CD300E: variants seen among roughly 807,000 people sequenced by gnomAD.
CD300E encodes CD300e molecule, also known as CMRF35-like molecule 2.
Under a neutral mutation model 20.9 loss-of-function variants are expected in CD300E, and 14 were observed. That is an observed-to-expected ratio of 0.67 (90% confidence interval 0.44 to 1.05). CD300E has a LOEUF of 1.05. Among genes scored for constraint, CD300E ranks in the 50% least tolerant of loss-of-function variants. The probability of loss-of-function intolerance (pLI) is 0.00; values close to 1 mark genes in which losing one functional copy is unlikely to be tolerated. For missense variants in CD300E, 237 were observed against 253.9 expected, an observed-to-expected ratio of 0.93 and a Z score of 0.45; for synonymous variants, 102 against 103.7, an observed-to-expected ratio of 0.98 and a Z score of 0.10.
chr17:74,617,177 C>T lies in CD300E; in HGVS notation c.329G>A (p.Trp110Ter), dbSNP rs1311512160. The T allele has an allele frequency of 5.6e-6, 9 of 1,614,100 alleles. No individual in the cohort carries two copies. Among genetic ancestry groups the T allele is most frequent in the Non-Finnish European group, 7.6e-6 (9 of 1,180,062 alleles). ...ATCGCGTGACCATGAATCCAGGACCCACACTGTCTGAATTTTGCACCAGTA... is the reference window on the plus strand; with the variant it reads ...ATCGCGTGACCATGAATCCAGGACCTACACTGTCTGAATTTTGCACCAGTA... The part of the protein sequence containing the change: ...GSYWCKIQTV[W>*]VLDSWSRDPS... Residue 110 changes from tryptophan (W) to a stop codon, truncating the protein, a stop_gained, in exon 2 of 4, where the codon TGG (tryptophan) becomes TAG (stop). Coordinates refer to ENST00000392619, the MANE Select transcript of CD300E (RefSeq NM_181449.3). LOFTEE classifies it high-confidence loss of function.
At position 74,612,573 on chromosome 17, in the gene CD300E, G is replaced by A. The variant is rs2030807257; in HGVS notation, c.*80C>T. ...TCCCTCCAGAGTCCACAGGTCTCTC[G>A]CATCCAGTCTGAAAGGTTGACTCCC... On this transcript the variant is annotated 3_prime_UTR_variant, in exon 4 of 4. Transcript: ENST00000392619. 1.8e-5 allele frequency: 28 copies of A among 1,557,580 alleles called. No homozygotes were observed. Among genetic ancestry groups the A allele is most frequent in the Middle Eastern group, 1.9e-4 (1 of 5,342 alleles).
intron 2 of CD300E, among the ~76,000 whole-genome samples, chr17:74,616,456 A>G (rs1045712442): frequency 7.9e-5 from 12 of 152,212 alleles, no homozygotes; most frequent in Admixed American, 6.5e-4. Context: ...GCCTGCCAAG[A>G]TAATGGCAGA....
At chr17:74,619,600 C>T (rs2030976432) in intron 1 of CD300E, among the ~76,000 whole-genome samples, 1 of 152,030 alleles carries the variant, frequency 6.6e-6, no homozygotes, top group Non-Finnish European at 1.5e-5. Flanking sequence ...TTTCACTCCT[C>T]CTCTCAATCA....
intron 1 of CD300E, among the ~76,000 whole-genome samples, chr17:74,617,773 A>C (rs372548142): frequency 1.6e-4 from 24 of 152,336 alleles, no homozygotes; most frequent in African/African-American, 5.3e-4. Flanking sequence ...TCTGCCAGGC[A>C]TGAGATTTGG....
At chr17:74,613,037 C>A (rs890222435) in intron 3 of CD300E, among the ~76,000 whole-genome samples, 2 of 152,166 alleles carry the variant, frequency 1.3e-5, no homozygotes. Flanking sequence ...TCCACAGCAC[C>A]CTCTCTGTCC....
At chr17:74,620,031 G>T (rs1024770913) in intron 1 of CD300E, among the ~76,000 whole-genome samples, 6 of 152,248 alleles carry the variant, frequency 3.9e-5, no homozygotes, top group African/African-American at 1.4e-4. Context: ...AAAGACAGAA[G>T]ATGGTTCTTA....
chr17:74,616,831 C>T (rs6501730), intron 2 of CD300E, among the ~76,000 whole-genome samples: 8,222 of 152,222 alleles, frequency 0.054, 272 homozygotes, highest in African/African-American at 0.071. Flanking sequence ...CCAAAGGGCA[C>T]GGTGGAAACA....
intron 1 of CD300E, among the ~76,000 whole-genome samples, chr17:74,622,319 C>T (rs1488831464): frequency 6.6e-6 from 1 of 151,850 alleles, no homozygotes; most frequent in African/African-American, 2.4e-5. Flanking sequence ...ACAAAATGAG[C>T]AAACATTGGT....
Position 74,614,025 on chromosome 17 carries a change from T to G in CD300E, c.397A>C (p.Thr133Pro), listed in dbSNP as rs56380796. 1 of 1,613,404 alleles carries G rather than the reference T, an allele frequency of 6.2e-7. No homozygotes were observed. Among genetic ancestry groups the G allele is most frequent in the Non-Finnish European group, 8.5e-7 (1 of 1,179,572 alleles). Reference protein sequence around the residue: ...VRVYVSPAITTPRRTTHPATP... With the variant: ...VRVYVSPAITPPRRTTHPATP... ...GCTGGATGTGTGGTCCTCCTTGGGGTTGTAATTGCTGTTGGAGATGAAAAT... is the reference window on the plus strand; with the variant it reads ...GCTGGATGTGTGGTCCTCCTTGGGGGTGTAATTGCTGTTGGAGATGAAAAT... Residue 133 changes from threonine to proline, a missense_variant, in exon 3 of 4, where the codon ACC becomes CCC. Coordinates refer to ENST00000392619, the MANE Select transcript of CD300E (RefSeq NM_181449.3).
In CD300E at chr17:74,617,481, C is replaced by G. The variant is rs1347310536; in HGVS notation, c.41-16G>C. ...GACAAACAGCCTGGAAAACACAAGC[C>G]CGAGTCCCAAGTCTCCATCCAGATG... On this transcript the variant is annotated splice_polypyrimidine_tract_variant and intron_variant, in intron 1 of 3. Coordinates refer to ENST00000392619, the MANE Select transcript of CD300E (RefSeq NM_181449.3). The G allele has an allele frequency of 6.2e-7, 1 of 1,600,074 alleles. No individual in the cohort carries two copies. Among genetic ancestry groups the G allele is most frequent in the East Asian group, 2.2e-5 (1 of 44,606 alleles).
intron 2 of CD300E, among the ~76,000 whole-genome samples, chr17:74,615,027 T>C (rs1288811338): frequency 6.6e-6 from 1 of 152,210 alleles, no homozygotes; most frequent in Non-Finnish European, 1.5e-5. Flanking sequence ...GATTCGTTGA[T>C]GGACGTGGCA....
intron 1 of CD300E, among the ~76,000 whole-genome samples, chr17:74,619,707 C>A (rs1160403343): frequency 6.6e-6 from 1 of 152,214 alleles, no homozygotes; most frequent in Admixed American, 6.5e-5. Context: ...CCCAGAGCCA[C>A]TTACTTTTAG....
At chr17:74,613,881 C>T (rs769713072) in intron 3 of CD300E, 44 bp downstream of exon 3, 7 of 1,407,706 alleles carry the variant, frequency 5.0e-6, no homozygotes, top group East Asian at 2.3e-5. Context: ...CAGCTTCCAC[C>T]CCAGGGTTGC....
At chr17:74,613,060 C>T (rs2030819991) in intron 3 of CD300E, among the ~76,000 whole-genome samples, 1 of 152,228 alleles carries the variant, frequency 6.6e-6, no homozygotes, top group Admixed American at 6.5e-5. Flanking sequence ...GTCCCACTCA[C>T]AGCCTCCACT....
chr17:74,614,613 G>A (rs140400062), intron 2 of CD300E, among the ~76,000 whole-genome samples: 169 of 152,000 alleles, frequency 1.1e-3, no homozygotes, highest in African/African-American at 3.9e-3. Flanking sequence ...CACCCAAGTA[G>A]CTGGGATTAC....
rs1364212678 is a variant in CD300E, at chr17:74,612,321, TA to T, written c.*331del. The stretch of plus-strand genomic sequence containing the variant: ...GTTGCCCAGGCTGGCCTGGAACTCT[TA>T]CGTTCAGCCGATCCTCCTGCCTCAG... On this transcript the variant is annotated 3_prime_UTR_variant, in exon 4 of 4. Transcript: ENST00000392619. 5.4e-6 allele frequency: 1 copy of T among 183,778 alleles called. No homozygotes were observed. Among genetic ancestry groups the T allele is most frequent in the Non-Finnish European group, 1.1e-5 (1 of 87,950 alleles). The allele number at this position is 183,778 out of a possible 1,614,324, so 11.4% of individuals were successfully genotyped here.
At chr17:74,619,645 G>A (rs374364306) in intron 1 of CD300E, among the ~76,000 whole-genome samples, 1 of 151,952 alleles carries the variant, frequency 6.6e-6, no homozygotes, top group East Asian at 1.9e-4. Flanking sequence ...CACACACTGG[G>A]GAGAGCACAG....
At chr17:74,618,323 G>C (rs2030950243) in intron 1 of CD300E, among the ~76,000 whole-genome samples, 1 of 152,336 alleles carries the variant, frequency 6.6e-6, no homozygotes, top group African/African-American at 2.4e-5. Context: ...GTTTGAACTT[G>C]AGTGTATGTG....
rs754459054 is a variant in CD300E, at chr17:74,613,942, C to A, written c.480G>T (p.Val160=). 1.2e-6 allele frequency: 2 copies of A among 1,613,504 alleles called. No individual in the cohort carries two copies. Among genetic ancestry groups the A allele is most frequent in the Admixed American group, 3.3e-5 (2 of 59,994 alleles). ...NPGRNLSTGE[V]LTQNSGFRLS... ...GTGCTTACCCTGAATTTTGGGTCAA[C>A]ACCTCCCCGGTGCTGAGGTTTCGCC... The change falls in exon 3 of 4, where the codon GTG becomes GTT. Residue 160 remains valine (V), a synonymous_variant. Coordinates refer to ENST00000392619, the MANE Select transcript of CD300E (RefSeq NM_181449.3).
Sources: gnomAD v4.1 joint callset for allele counts (sites outside exome capture counted in the v4.1 genomes callset) on GRCh38, gnomAD v4.1.1 for gene constraint, MANE v1.5 for transcripts, NCBI Gene and HGNC (gene_info 2026-07-23, HGNC 2026-07-21) for gene names.